Variants in MYBPC2 observed in about 807,000 individuals in gnomAD.
MYBPC2 encodes myosin binding protein C2.
MYBPC2 carries 122 observed loss-of-function variants against 137.0 expected under a neutral mutation model. That is an observed-to-expected ratio of 0.89 (90% CI 0.77 to 1.03). The LOEUF (loss-of-function observed/expected upper bound fraction) is 1.03. Ranked by LOEUF, MYBPC2 falls within the 50% of genes least tolerant of loss-of-function variation. MYBPC2 has a pLI of 0.00. For synonymous variants in MYBPC2, 626 were observed against 612.3 expected (o/e 1.02, Z -0.33); for missense variants, 1,500 against 1,534.4 (o/e 0.98, Z 0.37).
intron 13 of MYBPC2, among the ~76,000 whole-genome samples, chr19:50,449,980 AC>A (rs2039841633): frequency 6.6e-6 from 1 of 151,564 alleles, no homozygotes; most frequent in South Asian, 2.1e-4. Context: ...ACATGGTGAA[AC>A]CCCCATCTCT....
chr19:50,451,338 G>T lies in MYBPC2; in HGVS notation c.1609+29G>T, dbSNP rs574554012. 1.9e-6 allele frequency: 3 copies of T among 1,612,396 alleles called. No homozygotes were observed. In the African/African-American group the frequency reaches 4.0e-5, roughly 22 times the overall value. ...AGCACCACGGGCTGCGCTGGGAGCG[G>T]GTCTGAGGGAGGAGGGACCGGGCTG... On this transcript the variant is annotated intron_variant, in intron 15 of 27. Transcript: ENST00000357701.
At position 50,449,867 on chromosome 19, in the gene MYBPC2, T is replaced by C. The variant is rs372275651; in HGVS notation, c.1473-962T>C. The stretch of plus-strand genomic sequence containing the variant: ...TGCCGGCTGGTGGTCTCAGTAATGA[T>C]GATAATGGCCGGGCATGGTGGCTCA... On this transcript the variant is annotated intron_variant, in intron 13 of 27. Transcript: ENST00000357701. 2.0e-4 allele frequency among the ~76,000 whole-genome samples: 31 copies of C among 152,144 alleles called. No individual in the cohort carries two copies. The South Asian group carries it at 5.8e-3, about 29-fold the overall frequency.
chr19:50,455,580 G>T lies in MYBPC2; in HGVS notation c.2274G>T (p.Arg758Ser), dbSNP rs974990615. 1 of 1,613,984 alleles carries T rather than the reference G, an allele frequency of 6.2e-7. No homozygotes were observed. The highest frequency in any genetic ancestry group is 1.7e-5 in the Admixed American group (1 of 60,022). The change falls in exon 20 of 28, where the codon AGG becomes AGT. Residue 758 changes from arginine (R) to serine (S), a missense_variant. By Grantham distance (110) the Arg-to-Ser change is moderately radical. Coordinates refer to ENST00000357701, the MANE Select transcript of MYBPC2 (RefSeq NM_004533.4). ...ACACCACCACCACACTCAAGTGGAG[G>T]CCTCCGAACAGGATCGGGGCAGGTG... ...VTDTTTTLKW[R>S]PPNRIGAGGI... is the part of the protein sequence containing the mutation.
chr19:50,447,978 A>G (rs2039820882), intron 12 of MYBPC2, among the ~76,000 whole-genome samples: 1 of 152,140 alleles, frequency 6.6e-6, no homozygotes, highest in Non-Finnish European at 1.5e-5. Context: ...TCTACCTGGG[A>G]GGCTTTTTTT....
chr19:50,433,684 C>T (rs187924654), intron 1 of MYBPC2, among the ~76,000 whole-genome samples: 6 of 146,268 alleles, frequency 4.1e-5, no homozygotes, highest in African/African-American at 5.1e-5. Flanking sequence ...CATGAGCCGC[C>T]GAGCCCGGCC....
chr19:50,448,408 G>A lies in MYBPC2; in HGVS notation c.1472+18G>A, dbSNP rs1356862557. The A allele has an allele frequency of 5.0e-6, 8 of 1,612,186 alleles. No individual in the cohort carries two copies. Among genetic ancestry groups the A allele is most frequent in the Non-Finnish European group, 6.8e-6 (8 of 1,178,666 alleles). ...GTAGGCAGGTGAGGAGTGGGCTGCAGAAGTGGCTGGGGGTAGGGTGTGCAT... is the reference window on the plus strand; with the variant it reads ...GTAGGCAGGTGAGGAGTGGGCTGCAAAAGTGGCTGGGGGTAGGGTGTGCAT... On this transcript the variant is annotated intron_variant, in intron 13 of 27. Coordinates refer to ENST00000357701, the MANE Select transcript of MYBPC2 (RefSeq NM_004533.4).
intron 7 of MYBPC2, among the ~76,000 whole-genome samples, chr19:50,439,830 G>A (rs1233262743): frequency 1.3e-5 from 2 of 152,242 alleles, no homozygotes; most frequent in Non-Finnish European, 2.9e-5. Context: ...ACCGGGGCCT[G>A]TGAGAGCCCA....
intron 20 of MYBPC2, 39 bp from the exon 21 acceptor site, chr19:50,458,548 G>A: frequency 1.2e-6 from 2 of 1,601,970 alleles, no homozygotes; most frequent in Non-Finnish European, 8.5e-7. Flanking sequence ...GAGGATGGGA[G>A]GAGGGCACGA....
At chr19:50,449,601 C>T (rs2039837705) in intron 13 of MYBPC2, among the ~76,000 whole-genome samples, 1 of 152,212 alleles carries the variant, frequency 6.6e-6, no homozygotes, top group Non-Finnish European at 1.5e-5. Context: ...ATTTCAAGGG[C>T]ATGGACACCG....
At position 50,454,232 on chromosome 19, in the gene MYBPC2, C is replaced by T. The variant is rs777002517; in HGVS notation, c.1910-33C>T. ...GCCAAGGGGTGACTCCCTGAGGCCT[C>T]GAGGGGCCACCTGACTCTCCTGCCC... On this transcript the variant is annotated intron_variant, in intron 17 of 27. Transcript: ENST00000357701. 20 of 1,613,596 alleles carry T rather than the reference C, an allele frequency of 1.2e-5. No individual in the cohort carries two copies. The Middle Eastern group carries it at 4.9e-4, about 40-fold the overall frequency.
chr19:50,454,609 A>G (rs941252020), intron 18 of MYBPC2, among the ~76,000 whole-genome samples: 7 of 151,600 alleles, frequency 4.6e-5, no homozygotes, highest in African/African-American at 1.7e-4. Context: ...TATTTTTAGT[A>G]GAGATGGGGT....
chr19:50,464,392 C>A lies in MYBPC2; in HGVS notation c.3275C>A (p.Pro1092His). 2 of 1,611,002 alleles carry A rather than the reference C, an allele frequency of 1.2e-6. No homozygotes were observed. The highest frequency in any genetic ancestry group is 1.7e-6 in the Non-Finnish European group (2 of 1,178,782). Residue 1092 changes from proline (P) to histidine (H), a missense_variant, in exon 27 of 28, where the codon CCC (proline) becomes CAC (histidine). By Grantham distance (77) the Pro-to-His change is moderately conservative. Transcript: ENST00000357701. Reference sequence around the variant, plus strand: ...AACAAGATGGAAATCCGTGAAGATCCCAAGTTCCTGATAACCAATTACCAA... The same window carrying A: ...AACAAGATGGAAATCCGTGAAGATCACAAGTTCCTGATAACCAATTACCAA... ...MKNKMEIRED[P>H]KFLITNYQGV...
rs1204821130 is a variant in MYBPC2, at chr19:50,466,223, C to G, written c.*18C>G. ...CGCAGTGAGACCTGTCCCCTACCTG[C>G]CAAGACAATTGGTGGTGGAGTCCTG... On this transcript the variant is annotated 3_prime_UTR_variant, in exon 28 of 28. Coordinates refer to ENST00000357701, the MANE Select transcript of MYBPC2 (RefSeq NM_004533.4). The surrounding 1 kb of genome is among the most constrained non-coding windows in gnomAD (Gnocchi z 4.9). 6.2e-7 allele frequency: 1 copy of G among 1,613,810 alleles called. No homozygotes were observed. Among genetic ancestry groups the G allele is most frequent in the Non-Finnish European group, 8.5e-7 (1 of 1,179,876 alleles).
In MYBPC2 at chr19:50,459,232, A is replaced by T; in HGVS notation, c.2717A>T (p.Asp906Val). 11 of 1,610,240 alleles carry T rather than the reference A, an allele frequency of 6.8e-6. No homozygotes were observed. Among genetic ancestry groups the T allele is most frequent in the Non-Finnish European group, 9.3e-6 (11 of 1,179,352 alleles). Residue 906 changes from aspartate (D) to valine (V), a missense_variant, in exon 23 of 28, where the codon GAC becomes GTC. Asp to Val is a radical substitution (Grantham distance 152, BLOSUM62 -3). Coordinates refer to ENST00000357701, the MANE Select transcript of MYBPC2 (RefSeq NM_004533.4). ...VFFVRQAARS[D>V]SGEYELSVQI... ...TTCGTGCGCCAGGCGGCCCGCTCCG[A>T]CTCCGGGGAGTACGAGCTGAGCGTG...
chr19:50,458,758 C>T lies in MYBPC2; in HGVS notation c.2506+4C>T. The T allele has an allele frequency of 3.7e-6, 6 of 1,606,614 alleles. No individual in the cohort carries two copies. Among genetic ancestry groups the T allele is most frequent in the Non-Finnish European group, 5.1e-6 (6 of 1,179,686 alleles). ...GTCACCATCAGGGAGATTGCGGGTGCGTGGCCCCTGACCCTGCGCTCCGAA... is the reference window on the plus strand; with the variant it reads ...GTCACCATCAGGGAGATTGCGGGTGTGTGGCCCCTGACCCTGCGCTCCGAA... On this transcript the variant is annotated splice_donor_region_variant and intron_variant, in intron 21 of 27. Coordinates refer to ENST00000357701, the MANE Select transcript of MYBPC2 (RefSeq NM_004533.4).
intron 24 of MYBPC2, among the ~76,000 whole-genome samples, chr19:50,461,012 T>C (rs11668639): frequency 0.56 from 83,667 of 150,216 alleles, 23,850 homozygotes; most frequent in South Asian, 0.68. Context: ...TAAATTTTTT[T>C]TTTTTTTTTG....
chr19:50,442,367 C>G, intron 9 of MYBPC2, 54 bp downstream of exon 9: 1 of 1,579,362 alleles, frequency 6.3e-7, no homozygotes, highest in Non-Finnish European at 8.6e-7. Context: ...CCAGAGAGAA[C>G]GCCCGGAGAC....
chr19:50,449,647 C>G (rs1042219713), intron 13 of MYBPC2, among the ~76,000 whole-genome samples: 3 of 152,244 alleles, frequency 2.0e-5, no homozygotes, highest in Non-Finnish European at 4.4e-5. Context: ...AGCTAACAGT[C>G]AACATGGGCT....
chr19:50,458,982 G>C lies in MYBPC2; in HGVS notation c.2571G>C (p.Gln857His), dbSNP rs1173377585. ...RQTYIRKVGE[Q>H]LNLVVPFQGK... ...CCTACATCCGCAAAGTGGGCGAGCA[G>C]CTCAACCTTGTCGTCCCCTTCCAGG... The change falls in exon 22 of 28, where the codon CAG (glutamine) becomes CAC (histidine). Residue 857 changes from glutamine (Q) to histidine (H), a missense_variant. Gln to His is a conservative substitution (Grantham distance 24). Coordinates refer to ENST00000357701, the MANE Select transcript of MYBPC2 (RefSeq NM_004533.4). The C allele has an allele frequency of 6.2e-7, 1 of 1,612,356 alleles. No individual in the cohort carries two copies. Among genetic ancestry groups the C allele is most frequent in the Non-Finnish European group, 8.5e-7 (1 of 1,179,534 alleles).
Sources: gnomAD v4.1 joint callset for allele counts (sites outside exome capture counted in the v4.1 genomes callset) on GRCh38, gnomAD v4.1.1 for gene constraint, Gnocchi (gnomAD v3.1) non-coding constraint, MANE v1.5 for transcripts, NCBI Gene and HGNC (gene_info 2026-07-23, HGNC 2026-07-21) for gene names.